PSD3: variants seen among roughly 807,000 people sequenced by gnomAD.
PSD3 encodes the protein PH and SEC7 domain-containing protein 3.
In PSD3, 49 loss-of-function variants were observed where a neutral mutation model predicts 105.5. That is an observed-to-expected ratio of 0.46 (90% CI 0.37 to 0.59). PSD3 has a LOEUF of 0.59. Ranked by LOEUF, PSD3 falls within the 20% of genes least tolerant of loss-of-function variation. The probability of loss-of-function intolerance (pLI) is 0.00; values close to 1 mark genes in which losing one functional copy is unlikely to be tolerated. For missense variants in PSD3, 1,561 were observed against 1,263.8 expected (o/e 1.24, Z -3.57); for synonymous variants, 557 against 457.8 (o/e 1.22, Z -2.77).
At chr8:18,894,550 G>A (rs548462663) in intron 2 of PSD3, among the ~76,000 whole-genome samples, 50 of 152,268 alleles carry the variant, frequency 3.3e-4, no homozygotes, top group Non-Finnish European at 3.8e-4. Context: ...ATGTCAATCA[G>A]CCAGAACAGA....
At chr8:18,907,765 A>G (rs898689308) in intron 2 of PSD3, among the ~76,000 whole-genome samples, 4 of 152,250 alleles carry the variant, frequency 2.6e-5, no homozygotes, top group African/African-American at 9.6e-5. Flanking sequence ...GACTGTACCA[A>G]CAGAGTAACA....
intron 1 of PSD3, among the ~76,000 whole-genome samples, chr8:18,959,933 A>C (rs1563464364): frequency 6.6e-6 from 1 of 152,200 alleles, no homozygotes; most frequent in East Asian, 1.9e-4. Flanking sequence ...TGGAAACATG[A>C]GGCCAGGGAA....
intron 1 of PSD3, among the ~76,000 whole-genome samples, chr8:18,995,461 A>G (rs1345958557): frequency 1.3e-5 from 2 of 152,060 alleles, no homozygotes; most frequent in African/African-American, 4.8e-5. Context: ...TCCAGCTGGA[A>G]AAGGCCCAAT....
intron 2 of PSD3, among the ~76,000 whole-genome samples, chr8:18,928,792 T>C (rs1180141411): frequency 1.3e-5 from 2 of 151,040 alleles, no homozygotes; most frequent in Non-Finnish European, 3.0e-5. Flanking sequence ...TTCTTTCTCT[T>C]TCTCTCTCTC....
chr8:18,995,019 G>A (rs1825999360), intron 1 of PSD3, among the ~76,000 whole-genome samples: 1 of 151,624 alleles, frequency 6.6e-6, no homozygotes, highest in African/African-American at 2.4e-5. Flanking sequence ...GACTTTCAAA[G>A]GTTTATTCTA....
chr8:18,992,260 A>G (rs1004129855), intron 1 of PSD3, among the ~76,000 whole-genome samples: 1 of 152,118 alleles, frequency 6.6e-6, no homozygotes, highest in Non-Finnish European at 1.5e-5. Context: ...AAGTGGGACT[A>G]TAGCTTGCTG....
chr8:19,076,691 T>C (rs1388777908), intron 1 of PSD3, among the ~76,000 whole-genome samples: 5 of 152,214 alleles, frequency 3.3e-5, no homozygotes, highest in Non-Finnish European at 1.5e-5. Context: ...TTTTAAATTG[T>C]TACTTTAAAG....
chr8:18,745,032 A>G (rs1037039175), intron 9 of PSD3, among the ~76,000 whole-genome samples: 2 of 152,188 alleles, frequency 1.3e-5, no homozygotes, highest in Non-Finnish European at 2.9e-5. Flanking sequence ...ATGTTAAGTG[A>G]TGTTATCTTC....
At chr8:18,632,488 A>G in intron 11 of PSD3, 125 bp downstream of exon 11, 21 of 1,049,270 alleles carry the variant, frequency 2.0e-5, no homozygotes, top group Non-Finnish European at 2.9e-5. Flanking sequence ...GCTTTATCCA[A>G]TTTCAAGAAT....
chr8:18,606,985 G>A (rs1804886518), intron 11 of PSD3, among the ~76,000 whole-genome samples: 1 of 152,072 alleles, frequency 6.6e-6, no homozygotes. Context: ...ACCCATCTAA[G>A]GATTTCAAAG....
Position 18,652,364 on chromosome 8 carries a change from C to T in PSD3, c.2216+3278G>A, listed in dbSNP as rs187828217. On this transcript the variant is annotated intron_variant, in intron 10 of 15. Transcript: ENST00000327040. The stretch of plus-strand genomic sequence containing the variant: ...AAGACAATTCAAAGTGTCCATCTAA[C>T]GCTAAGGGATAATATGAGGAAAATG... Among the ~76,000 whole-genome samples, 149 of 151,782 alleles carry T rather than the reference C, an allele frequency of 9.8e-4. 1 individual carries two copies. The highest frequency in any genetic ancestry group is 2.3e-3 in the Admixed American group (35 of 15,224).
chr8:18,791,247 G>A (rs2129446348), intron 8 of PSD3, among the ~76,000 whole-genome samples: 1 of 152,160 alleles, frequency 6.6e-6, no homozygotes, highest in Middle Eastern at 3.4e-3. Context: ...TCATATGGAA[G>A]CAAAGAACCA....
rs1802209496 is a variant in PSD3 at position 18,572,575 on chromosome 8, T to A, written c.2737A>T (p.Lys913Ter). The change falls in exon 14 of 16, where the codon AAG becomes TAG. Residue 913 changes from lysine to a stop codon, truncating the protein, a stop_gained. Coordinates refer to ENST00000327040, the MANE Select transcript of PSD3 (RefSeq NM_015310.4). LOFTEE classifies it high-confidence loss of function. ...PFPAAIGSQKKFSRPLLPATT... is the reference protein window; with the variant it reads ...PFPAAIGSQK ...GCAGGCAGAAGTGGGCGGCTAAACT[T>A]CTTCTGAGAGCCGATTGCTGCTGGA... 3 of 1,613,972 alleles carry A rather than the reference T, an allele frequency of 1.9e-6. No individual in the cohort carries two copies. Among genetic ancestry groups the A allele is most frequent in the Admixed American group, 3.3e-5 (2 of 60,000 alleles).
At chr8:19,076,261 A>G (rs1020245632) in intron 1 of PSD3, among the ~76,000 whole-genome samples, 9 of 152,246 alleles carry the variant, frequency 5.9e-5, no homozygotes, top group East Asian at 1.9e-4. Flanking sequence ...TATTTATTTT[A>G]TAGGTTGTTT....
At chr8:18,609,178 A>C (rs1391000039) in intron 11 of PSD3, among the ~76,000 whole-genome samples, 3 of 152,106 alleles carry the variant, frequency 2.0e-5, no homozygotes, top group Admixed American at 6.5e-5. Context: ...AAACCATTTT[A>C]TTCCCCTCAG....
At chr8:18,952,886 A>G (rs1195463233) in intron 1 of PSD3, among the ~76,000 whole-genome samples, 1 of 152,190 alleles carries the variant, frequency 6.6e-6, no homozygotes, top group Non-Finnish European at 1.5e-5. Context: ...TACTACATAA[A>G]ATCGAGAATG....
intron 11 of PSD3, among the ~76,000 whole-genome samples, chr8:18,618,957 T>C (rs148419524): frequency 1.5e-3 from 221 of 152,292 alleles, no homozygotes; most frequent in African/African-American, 4.7e-3. Flanking sequence ...GAACTTCCTT[T>C]TGTAATTCAG....
Position 18,867,815 on chromosome 8 carries a change from C to A in PSD3, c.1493G>T (p.Gly498Val), listed in dbSNP as rs1817052437. Residue 498 changes from glycine (G) to valine (V), a missense_variant, in exon 4 of 16, where the codon GGG (glycine) becomes GTG (valine). Physicochemically the swap from Gly to Val is moderately radical, Grantham distance 109 (BLOSUM62 -3). Coordinates refer to ENST00000327040, the MANE Select transcript of PSD3 (RefSeq NM_015310.4). Reference sequence around the variant, plus strand: ...ACTCAGGATATCCTGATGTCCTCCCCCTGATGTCCTCTCCAAGAACTGACC... The same window carrying A: ...ACTCAGGATATCCTGATGTCCTCCCACTGATGTCCTCTCCAAGAACTGACC... ...EGGQFLERTS[G>V]GGHQDILSVS... The A allele has an allele frequency of 6.2e-7, 1 of 1,614,150 alleles. No homozygotes were observed. Among genetic ancestry groups the A allele is most frequent in the Non-Finnish European group, 8.5e-7 (1 of 1,180,034 alleles).
intron 4 of PSD3, among the ~76,000 whole-genome samples, chr8:18,821,767 A>C (rs540058026): frequency 2.1e-5 from 3 of 144,140 alleles, no homozygotes; most frequent in Admixed American, 7.2e-5. Flanking sequence ...TTCTATACCC[A>C]TGGCTTCAAA....
Sources: gnomAD v4.1 joint callset for allele counts (sites outside exome capture counted in the v4.1 genomes callset) on GRCh38, gnomAD v4.1.1 for gene constraint, MANE v1.5 for transcripts, NCBI Gene and HGNC (gene_info 2026-07-23, HGNC 2026-07-21) for gene names.